Variants in HERC4 observed in about 807,000 individuals in gnomAD.
HERC4 encodes the protein HECT and RLD domain containing E3 ubiquitin protein ligase 4, also known as probable E3 ubiquitin-protein ligase HERC4.
A neutral mutation model predicts 124.3 loss-of-function variants in HERC4; 28 were observed. The observed-to-expected ratio is 0.23, with a 90% confidence interval of 0.17 to 0.31. HERC4 has a LOEUF of 0.31. Ranked by LOEUF, HERC4 falls within the 10% of genes least tolerant of loss-of-function variation. The pLI is 1.00. For synonymous variants in HERC4, 407 were observed against 421.5 expected (o/e 0.97, Z 0.42); for missense variants, 713 against 1,229.3 (o/e 0.58, Z 6.28).
intron 19 of HERC4, among the ~76,000 whole-genome samples, chr10:67,941,831 T>G (rs921460804): frequency 6.6e-6 from 1 of 151,988 alleles, no homozygotes; most frequent in Admixed American, 6.6e-5. Flanking sequence ...AATTTTTGTA[T>G]TTTTAGTAGA....
At chr10:67,923,273 G>A (rs1302741281) in intron 24 of HERC4, 134 bp from the exon 25 acceptor site, 2 of 612,516 alleles carry the variant, frequency 3.3e-6, no homozygotes, top group Non-Finnish European at 5.6e-6. Context: ...TTCCTAATTT[G>A]TGGAAGACAA....
At chr10:68,017,260 T>A (rs2038323421) in intron 8 of HERC4, among the ~76,000 whole-genome samples, 1 of 152,226 alleles carries the variant, frequency 6.6e-6, no homozygotes. Flanking sequence ...AAAGCCACCC[T>A]AGCTGAAACA....
At position 67,949,755 on chromosome 10, in the gene HERC4, G is replaced by A. The variant is rs116745972; in HGVS notation, c.2337+4840C>T. ...AAAAAAGCATCACATAGCTGGGCGC[G>A]GTGGCTCACGCCAGCACTTTGAGTG... On this transcript the variant is annotated intron_variant, in intron 19 of 24. Transcript: ENST00000373700. 3.7e-3 allele frequency among the ~76,000 whole-genome samples: 566 copies of A among 152,260 alleles called. 4 individuals carry two copies. Among genetic ancestry groups the A allele is most frequent in the African/African-American group, 0.013 (536 of 41,554 alleles).
chr10:68,052,618 G>A (rs1205021742), intron 3 of HERC4, among the ~76,000 whole-genome samples: 1 of 152,124 alleles, frequency 6.6e-6, no homozygotes, highest in Non-Finnish European at 1.5e-5. Context: ...AGTACTTCCT[G>A]TTGAATGAGT....
At chr10:68,066,133 T>C (rs1000700102) in intron 3 of HERC4, among the ~76,000 whole-genome samples, 4 of 152,200 alleles carry the variant, frequency 2.6e-5, no homozygotes, top group African/African-American at 9.6e-5. Flanking sequence ...CTCTATTAGA[T>C]TCTTTCATAC....
At chr10:67,971,239 A>C (rs2132503809) in intron 15 of HERC4, among the ~76,000 whole-genome samples, 1 of 152,260 alleles carries the variant, frequency 6.6e-6, no homozygotes, top group Non-Finnish European at 1.5e-5. Context: ...TACCAATCTT[A>C]ATCAAACTTT....
At chr10:68,069,332 A>C in intron 3 of HERC4, 1 of 982,814 alleles carries the variant, frequency 1.0e-6, no homozygotes, top group Non-Finnish European at 1.2e-6. Flanking sequence ...AGTTCTTATG[A>C]AGAAAAAAAC....
At chr10:68,037,627 A>C (rs2039546530) in intron 5 of HERC4, among the ~76,000 whole-genome samples, 1 of 152,184 alleles carries the variant, frequency 6.6e-6, no homozygotes, top group Admixed American at 6.5e-5. Flanking sequence ...AGAGTTTTTA[A>C]CTGTTTAATA....
In HERC4 at chr10:68,072,883, C is replaced by G; in HGVS notation, c.226G>C (p.Glu76Gln). 6.5e-7 allele frequency: 1 copy of G among 1,537,948 alleles called. No homozygotes were observed. The highest frequency in any genetic ancestry group is 8.7e-7 in the Non-Finnish European group (1 of 1,143,534). Residue 76 changes from glutamate to glutamine, a missense_variant and splice_region_variant, in exon 3 of 25, where the codon GAG becomes CAG. Glu to Gln is a conservative substitution (Grantham distance 29). Transcript: ENST00000373700. ...LGHEKSRKKP[E>Q]QVVALDAQNI... Reference sequence around the variant, plus strand: ...AAATTTTAAAAACATTTCAACTTACCTGGTTTCTTTCTGGATTTTTCATGA... The same window carrying G: ...AAATTTTAAAAACATTTCAACTTACGTGGTTTCTTTCTGGATTTTTCATGA...
At chr10:68,028,068 C>G (rs1174402570) in intron 7 of HERC4, among the ~76,000 whole-genome samples, 1 of 148,316 alleles carries the variant, frequency 6.7e-6, no homozygotes, top group Non-Finnish European at 1.5e-5. Flanking sequence ...ATGGTCTTTG[C>G]CTAGATCCAT....
chr10:68,070,377 C>G (rs2041510695), intron 3 of HERC4: 1 of 629,954 alleles, frequency 1.6e-6, no homozygotes. Context: ...GAGGCCAAGG[C>G]AGGCGGATCA....
intron 3 of HERC4, among the ~76,000 whole-genome samples, chr10:68,057,623 C>CAAAAAAAAA (rs770527997): frequency 1.0e-5 from 1 of 100,336 alleles, no homozygotes; most frequent in Non-Finnish European, 2.1e-5. Flanking sequence ...GACTCTGTCT[C>CAAAAAAAAA]AAAAAAAAAA....
intron 16 of HERC4, among the ~76,000 whole-genome samples, chr10:67,963,499 C>A (rs998956721): frequency 1.3e-5 from 2 of 152,046 alleles, no homozygotes; most frequent in Non-Finnish European, 2.9e-5. Context: ...CGTGAGCCTC[C>A]GCACCTGGAC....
chr10:68,034,957 G>T (rs895747009), intron 5 of HERC4, among the ~76,000 whole-genome samples: 9 of 151,270 alleles, frequency 5.9e-5, no homozygotes, highest in Non-Finnish European at 1.5e-5. Context: ...AGTTTTCCCT[G>T]CCTGTCACTT....
rs1412610819 is a variant in HERC4 at position 68,059,866 on chromosome 10, ATAT to A, written c.226+13014_226+13016del. Among the ~76,000 whole-genome samples, 11 of 93,464 alleles carry A rather than the reference ATAT, an allele frequency of 1.2e-4. 1 individual carries two copies. The highest frequency in any genetic ancestry group is 4.1e-4 in the African/African-American group (7 of 17,192). The allele number at this position is 93,464 out of a possible 152,430, so 61.3% of individuals were successfully genotyped here. ...AATATATTATATATCATAATATTAT[ATAT>A]TATAATAATATTATATATCATAATA... On this transcript the variant is annotated intron_variant, in intron 3 of 24. Coordinates refer to ENST00000373700, the MANE Select transcript of HERC4 (RefSeq NM_015601.4).
At chr10:67,973,174 T>C (rs2035354168) in intron 15 of HERC4, among the ~76,000 whole-genome samples, 1 of 150,106 alleles carries the variant, frequency 6.7e-6, no homozygotes, top group Non-Finnish European at 1.5e-5. Context: ...CAAATAAAAA[T>C]CAAAAAGGAA....
intron 15 of HERC4, among the ~76,000 whole-genome samples, chr10:67,987,813 G>A (rs940542930): frequency 3.3e-5 from 5 of 152,058 alleles, no homozygotes; most frequent in African/African-American, 1.2e-4. Flanking sequence ...TTTGTTCTTA[G>A]ACAAAGAACA....
chr10:68,044,911 C>T (rs1250344596), intron 3 of HERC4, among the ~76,000 whole-genome samples: 1 of 151,114 alleles, frequency 6.6e-6, no homozygotes, highest in African/African-American at 2.4e-5. Flanking sequence ...TAAAAGAGTC[C>T]AGGTGAAAAA....
intron 3 of HERC4, chr10:68,069,886 TA>T: frequency 2.3e-6 from 1 of 434,316 alleles, no homozygotes; most frequent in Non-Finnish European, 3.1e-6. Context: ...ACTAAAAATA[TA>T]AAAAATTACC....
Sources: gnomAD v4.1 joint callset for allele counts (sites outside exome capture counted in the v4.1 genomes callset) on GRCh38, gnomAD v4.1.1 for gene constraint, MANE v1.5 for transcripts, NCBI Gene and HGNC (gene_info 2026-07-23, HGNC 2026-07-21) for gene names.